MRTFB: variants seen among roughly 807,000 people sequenced by gnomAD.
MRTFB encodes myocardin related transcription factor B.
MRTFB carries 29 observed loss-of-function variants against 104.2 expected under a neutral mutation model. The ratio of observed to expected loss-of-function variants is 0.28; its 90% confidence interval spans 0.21 to 0.38. The LOEUF (loss-of-function observed/expected upper bound fraction) is 0.38, where lower values mean the gene tolerates loss of function less well. Ranked by LOEUF, MRTFB falls within the 10% of genes least tolerant of loss-of-function variation. MRTFB has a pLI of 1.00. For synonymous variants in MRTFB, 535 were observed against 519.5 expected, an observed-to-expected ratio of 1.03 and a Z score of -0.41; for missense variants, 1,270 against 1,341.6, an observed-to-expected ratio of 0.95 and a Z score of 0.83.
At chr16:14,065,736 C>T in the MRTFB span, among the ~76,000 whole-genome samples, 2 of 152,070 alleles carry the variant, frequency 1.3e-5, no homozygotes, top group Non-Finnish European at 2.9e-5. Context: ...CATAGCAAGA[C>T]CCCATCCCTA....
intron 3 of MRTFB, among the ~76,000 whole-genome samples, chr16:14,145,779 C>T (rs1158774473): frequency 6.6e-6 from 1 of 152,200 alleles, no homozygotes; most frequent in African/African-American, 2.4e-5. Flanking sequence ...ATCTTTCTCA[C>T]GATTTGCATT....
At chr16:14,037,866 C>G in the MRTFB span, among the ~76,000 whole-genome samples, 2 of 152,208 alleles carry the variant, frequency 1.3e-5, no homozygotes, top group Non-Finnish European at 2.9e-5. Context: ...CTTTTTGGAA[C>G]TCCAATTAGG....
the MRTFB span, among the ~76,000 whole-genome samples, chr16:14,002,278 G>T: frequency 2.0e-3 from 304 of 152,208 alleles, no homozygotes; most frequent in Non-Finnish European, 3.2e-3. Context: ...AGCTACTTGG[G>T]AGGCTGAGGC....
the MRTFB span, among the ~76,000 whole-genome samples, chr16:14,052,906 A>G: frequency 2.0e-5 from 3 of 152,138 alleles, no homozygotes; most frequent in Non-Finnish European, 4.4e-5. Flanking sequence ...GGAAACCACC[A>G]TTCTACCCTC....
At chr16:14,179,244 G>C (rs1371327177) in intron 3 of MRTFB, among the ~76,000 whole-genome samples, 1 of 152,186 alleles carries the variant, frequency 6.6e-6, no homozygotes, top group East Asian at 1.9e-4. Context: ...TGTGATTGCT[G>C]CTTGACACCT....
rs1290441178 is a variant in MRTFB at position 14,263,934 on chromosome 16, T to A, written c.*2490T>A. The stretch of plus-strand genomic sequence containing the variant: ...TGCTCTCCAGGATCTCCACTACATG[T>A]TCCAGGTTGGAGTGAGGACGCGCTA... On this transcript the variant is annotated 3_prime_UTR_variant, in exon 17 of 17. Coordinates refer to ENST00000571589, the MANE Select transcript of MRTFB (RefSeq NM_001308142.2). 1 of 152,216 alleles carries A rather than the reference T, an allele frequency of 6.6e-6. No homozygotes were observed. Among genetic ancestry groups the A allele is most frequent in the African/African-American group, 2.4e-5 (1 of 41,448 alleles). 9.4% of individuals were successfully genotyped at this position (152,216 alleles called of 1,614,324 possible).
chr16:14,212,294 T>C (rs1356907031), intron 4 of MRTFB, 60 bp from the exon 5 acceptor site: 51 of 1,527,218 alleles, frequency 3.3e-5, no homozygotes, highest in Non-Finnish European at 4.3e-5. Flanking sequence ...TGGTATACTA[T>C]AACATTGGAC....
intron 2 of MRTFB, among the ~76,000 whole-genome samples, chr16:14,084,406 G>T (rs1567303830): frequency 6.6e-6 from 1 of 152,104 alleles, no homozygotes; most frequent in Non-Finnish European, 1.5e-5. Context: ...TGGGCATGGT[G>T]GCTCACACCT....
At chr16:14,017,687 GTATATA>G in the MRTFB span, among the ~76,000 whole-genome samples, 1 of 6,808 alleles carries the variant, frequency 1.5e-4, no homozygotes, top group Non-Finnish European at 4.8e-4. Context: ...GTGTGTGTGT[GTATATA>G]TATATATATA....
chr16:14,078,483 G>A (rs1341975157), intron 1 of MRTFB, among the ~76,000 whole-genome samples: 1 of 151,992 alleles, frequency 6.6e-6, no homozygotes, highest in Admixed American at 6.6e-5. Context: ...CATGACACGG[G>A]CAGTGGCACA....
At chr16:14,018,520 T>C in the MRTFB span, among the ~76,000 whole-genome samples, 1 of 152,210 alleles carries the variant, frequency 6.6e-6, no homozygotes, top group African/African-American at 2.4e-5. Flanking sequence ...TACGTATTAT[T>C]CTTAAAGTAA....
intron 3 of MRTFB, among the ~76,000 whole-genome samples, chr16:14,161,671 A>C (rs1567402057): frequency 6.6e-6 from 1 of 152,214 alleles, no homozygotes; most frequent in Non-Finnish European, 1.5e-5. Flanking sequence ...AAGAAGAGGT[A>C]AATCTCAATA....
chr16:14,043,479 A>G, the MRTFB span, among the ~76,000 whole-genome samples: 6 of 152,172 alleles, frequency 3.9e-5, no homozygotes, highest in East Asian at 1.2e-3. Context: ...GCCAGCTGCT[A>G]GCATGTACTC....
At chr16:14,018,760 A>G in the MRTFB span, 3 of 152,248 alleles carry the variant, frequency 2.0e-5, no homozygotes, top group Non-Finnish European at 2.9e-5. Flanking sequence ...CTTAAGGCCA[A>G]TAAATCATTC....
chr16:14,014,176 C>T, the MRTFB span, among the ~76,000 whole-genome samples: 2 of 152,082 alleles, frequency 1.3e-5, no homozygotes, highest in African/African-American at 2.4e-5. Context: ...TTCCCAATTG[C>T]GTGGAGAATG....
rs191228549 is a variant in MRTFB at position 14,242,290 on chromosome 16, T to C, written c.1079+1806T>C. Among the ~76,000 whole-genome samples the C allele has an allele frequency of 1.7e-3, 258 of 152,182 alleles. 2 individuals carry two copies. The highest frequency in any genetic ancestry group is 6.8e-3 in the Middle Eastern group (2 of 294). On this transcript the variant is annotated intron_variant, in intron 10 of 16. Transcript: ENST00000571589. ...TGTTACCAGTTCTTTGTCTTTCCAT[T>C]AAGGCTTCAATTCCCCTCTCCTCCT...
intron 12 of MRTFB, 115 bp from the exon 13 acceptor site, chr16:14,248,811 G>A (rs2043132354): frequency 9.4e-7 from 1 of 1,067,174 alleles, no homozygotes; most frequent in African/African-American, 1.6e-5. Context: ...CTGTAACCTT[G>A]GTCTTATTTC....
the MRTFB span, among the ~76,000 whole-genome samples, chr16:14,060,470 G>A: frequency 1.3e-5 from 2 of 152,128 alleles, no homozygotes; most frequent in African/African-American, 4.8e-5. Context: ...CATTTCGCAG[G>A]TTTCAGGTCT....
At chr16:14,215,027 A>C (rs1239104296) in intron 6 of MRTFB, 1 of 152,208 alleles carries the variant, frequency 6.6e-6, no homozygotes, top group Non-Finnish European at 1.5e-5. Context: ...TTTACTGGTA[A>C]GTAGCCAAGT....
Sources: allele counts gnomAD v4.1 joint callset (sites outside exome capture counted in the v4.1 genomes callset), GRCh38; gene constraint gnomAD v4.1.1; transcripts MANE v1.5; gene names NCBI Gene and HGNC (gene_info 2026-07-23, HGNC 2026-07-21).